TRAPPC8: variants seen among roughly 807,000 people sequenced by gnomAD.
TRAPPC8 encodes trafficking protein particle complex subunit 8.
TRAPPC8 carries 54 observed loss-of-function variants against 174.3 expected under a neutral mutation model. That is an observed-to-expected ratio of 0.31 (90% CI 0.25 to 0.39). The LOEUF (loss-of-function observed/expected upper bound fraction) is 0.39. Ranked by LOEUF, TRAPPC8 falls within the 10% of genes least tolerant of loss-of-function variation. TRAPPC8 has a pLI of 1.00. For missense variants in TRAPPC8, 1,531 were observed against 1,699.1 expected, an observed-to-expected ratio of 0.90 and a Z score of 1.74; for synonymous variants, 630 against 579.9, an observed-to-expected ratio of 1.09 and a Z score of -1.24.
At chr18:31,831,052 A>C (rs937712524) in intron 28 of TRAPPC8, 63 bp from the exon 29 acceptor site, 5 of 1,417,178 alleles carry the variant, frequency 3.5e-6, no homozygotes, top group Non-Finnish European at 3.9e-6. Flanking sequence ...TCCCAAAGTC[A>C]CATTAACATA....
chr18:31,937,347 T>A (rs1021622332), intron 1 of TRAPPC8, among the ~76,000 whole-genome samples: 1 of 152,180 alleles, frequency 6.6e-6, no homozygotes, highest in Non-Finnish European at 1.5e-5. Flanking sequence ...CTGGGCAGCA[T>A]GGCAAAACCC....
chr18:31,922,504 T>C (rs1339900675), intron 2 of TRAPPC8, among the ~76,000 whole-genome samples: 2 of 152,000 alleles, frequency 1.3e-5, no homozygotes, highest in Non-Finnish European at 2.9e-5. Context: ...GGTGGGAAGA[T>C]CGCTTGAACC....
intron 2 of TRAPPC8, among the ~76,000 whole-genome samples, chr18:31,927,173 T>C (rs2037652602): frequency 6.6e-6 from 1 of 152,122 alleles, no homozygotes; most frequent in Non-Finnish European, 1.5e-5. Context: ...AGTTGCGCAA[T>C]CACAGCTTTT....
intron 12 of TRAPPC8, among the ~76,000 whole-genome samples, chr18:31,880,090 A>AAAAAAAATATATATAT (rs1259899654): frequency 1.2e-5 from 1 of 85,378 alleles, no homozygotes; most frequent in African/African-American, 5.2e-5. Context: ...TGAAAAAAAA[A>AAAAAAAATATATATAT]ATATATATAT....
chr18:31,880,448 C>A (rs1008769250), intron 12 of TRAPPC8, among the ~76,000 whole-genome samples: 11 of 151,792 alleles, frequency 7.2e-5, no homozygotes, highest in Non-Finnish European at 1.5e-5. Flanking sequence ...GTCCAAAATC[C>A]CTTCATGATA....
chr18:31,893,512 AAC>A (rs2036056665), intron 11 of TRAPPC8, among the ~76,000 whole-genome samples: 1 of 152,132 alleles, frequency 6.6e-6, no homozygotes, highest in African/African-American at 2.4e-5. Context: ...TTCCAACCCA[AAC>A]AGCTGGTTAG....
At chr18:31,842,345 A>G (rs2033150924) in intron 26 of TRAPPC8, among the ~76,000 whole-genome samples, 1 of 152,206 alleles carries the variant, frequency 6.6e-6, no homozygotes, top group Non-Finnish European at 1.5e-5. Context: ...CAACTGACCA[A>G]TGTGCACAGG....
At chr18:31,838,833 A>C (rs2032923875) in intron 27 of TRAPPC8, among the ~76,000 whole-genome samples, 1 of 151,910 alleles carries the variant, frequency 6.6e-6, no homozygotes, top group South Asian at 2.1e-4. Context: ...TTTTCTTCAT[A>C]GGCTTCTTTT....
At chr18:31,843,553 T>A (rs1374046982) in intron 26 of TRAPPC8, among the ~76,000 whole-genome samples, 1 of 152,232 alleles carries the variant, frequency 6.6e-6, no homozygotes, top group Non-Finnish European at 1.5e-5. Context: ...CTGTGTACTA[T>A]CTATTTGTGT....
In TRAPPC8 at chr18:31,855,835, C is replaced by T. The variant is rs202127712; in HGVS notation, c.3189-28G>A. ...GAAGTTAAAAAAAAAAAAAAAAGCA[C>T]ATTTAAGCACAGAGTCTCTATGTTA... On this transcript the variant is annotated intron_variant, in intron 20 of 28. Coordinates refer to ENST00000283351, the MANE Select transcript of TRAPPC8 (RefSeq NM_014939.5). The T allele has an allele frequency of 1.3e-4, 197 of 1,466,744 alleles. No individual in the cohort carries two copies. In the East Asian group the frequency reaches 4.6e-3, roughly 34 times the overall value. 90.9% of individuals were successfully genotyped at this position (1,466,744 alleles called of 1,614,324 possible). A position where few individuals can be genotyped will look rare whatever the true frequency, so the allele number is the denominator to read the frequency against.
intron 1 of TRAPPC8, among the ~76,000 whole-genome samples, chr18:31,934,079 T>C (rs1304977280): frequency 1.3e-5 from 2 of 151,900 alleles, no homozygotes; most frequent in Non-Finnish European, 1.5e-5. Context: ...TCCCAGCTAT[T>C]TGGAAGGCTG....
In TRAPPC8 at chr18:31,853,854, T is replaced by C; in HGVS notation, c.3428A>G (p.Asn1143Ser). ...AGCAGGAAAAACAAACAAACCTTTG[T>C]TTTCAGAAAGATTTACAGATTTCTG... ...KLQKSVNLSE[N>S]KDTKLASREK... Residue 1143 changes from asparagine (N) to serine (S), a missense_variant, in exon 22 of 29, where the codon AAC (asparagine) becomes AGC (serine). Asn to Ser is a conservative substitution (Grantham distance 46). Coordinates refer to ENST00000283351, the MANE Select transcript of TRAPPC8 (RefSeq NM_014939.5). 1.2e-6 allele frequency: 2 copies of C among 1,604,126 alleles called. No individual in the cohort carries two copies. Among genetic ancestry groups the C allele is most frequent in the Non-Finnish European group, 1.7e-6 (2 of 1,177,720 alleles).
intron 26 of TRAPPC8, 41 bp from the exon 27 acceptor site, chr18:31,839,498 A>T (rs1354414672): frequency 1.3e-6 from 2 of 1,517,812 alleles, no homozygotes; most frequent in Non-Finnish European, 1.8e-6. Context: ...TAAAAACACT[A>T]CCTTGTTTAA....
rs1276823426 is a variant in TRAPPC8, at chr18:31,870,973, A to G, written c.2210T>C (p.Leu737Ser). Residue 737 changes from leucine (L) to serine (S), a missense_variant, in exon 15 of 29, where the codon TTG becomes TCG. Coordinates refer to ENST00000283351, the MANE Select transcript of TRAPPC8 (RefSeq NM_014939.5). Reference sequence around the variant, plus strand: ...TCTTGAATTATCTGAGTAACTGTTCAAACAGTATTGTGTGGGATGAAAATT... The same window carrying G: ...TCTTGAATTATCTGAGTAACTGTTCGAACAGTATTGTGTGGGATGAAAATT... ...PSNFHPTQYC[L>S]NSYSDNSRFP... The G allele has an allele frequency of 6.2e-7, 1 of 1,606,178 alleles. No individual in the cohort carries two copies. The highest frequency in any genetic ancestry group is 1.3e-5 in the African/African-American group (1 of 74,692).
intron 11 of TRAPPC8, among the ~76,000 whole-genome samples, chr18:31,892,956 G>T (rs2036019243): frequency 6.6e-6 from 1 of 151,328 alleles, no homozygotes; most frequent in Non-Finnish European, 1.5e-5. Flanking sequence ...GGCTGCGGCT[G>T]CAGTGAGCCA....
Position 31,855,664 on chromosome 18 carries a change from T to C in TRAPPC8, c.3332A>G (p.Asn1111Ser), listed in dbSNP as rs759281139. Residue 1111 changes from asparagine (N) to serine (S), a missense_variant, in exon 21 of 29, where the codon AAT (asparagine) becomes AGT (serine). Physicochemically the swap from Asn to Ser is conservative, Grantham distance 46 (BLOSUM62 1). Transcript: ENST00000283351. ...MLVFVDVENT[N>S]TSEAGVKEFH... ...TTCAGTTTTAAACCAACTTACAGTA[T>C]TGGTATTTTCCACATCCACAAAGAC... is the stretch of plus-strand genomic sequence containing the variant. The C allele has an allele frequency of 1.9e-6, 3 of 1,589,094 alleles. No individual in the cohort carries two copies. Among genetic ancestry groups the C allele is most frequent in the African/African-American group, 1.4e-5 (1 of 73,092 alleles).
At chr18:31,858,359 C>T (rs1174439982) in intron 19 of TRAPPC8, among the ~76,000 whole-genome samples, 1 of 152,084 alleles carries the variant, frequency 6.6e-6, no homozygotes, top group Non-Finnish European at 1.5e-5. Flanking sequence ...ACTAAAGAAG[C>T]AGCTCAACTA....
chr18:31,932,522 T>C (rs1049991918), intron 1 of TRAPPC8, among the ~76,000 whole-genome samples: 2 of 152,108 alleles, frequency 1.3e-5, no homozygotes, highest in African/African-American at 4.8e-5. Context: ...ATAGTCCTTG[T>C]TTCAGCCTAT....
intron 13 of TRAPPC8, 110 bp from the exon 14 acceptor site, chr18:31,873,648 T>G (rs1159808719): frequency 1.4e-6 from 1 of 690,812 alleles, no homozygotes; most frequent in African/African-American, 1.8e-5. Flanking sequence ...AGCAAGAATA[T>G]TAAGATATGT....
Sources: allele counts gnomAD v4.1 joint callset (sites outside exome capture counted in the v4.1 genomes callset), GRCh38; gene constraint gnomAD v4.1.1; transcripts MANE v1.5; gene names NCBI Gene and HGNC (gene_info 2026-07-23, HGNC 2026-07-21).